Variants in MOSMO observed in about 807,000 individuals in gnomAD.
The protein encoded by MOSMO is modulator of smoothened protein.
A neutral mutation model predicts 18.4 loss-of-function variants in MOSMO; 5 were observed. The observed-to-expected ratio is 0.27, with a 90% confidence interval of 0.14 to 0.57. The LOEUF (loss-of-function observed/expected upper bound fraction) is 0.57. Among genes scored for constraint, MOSMO ranks in the 20% least tolerant of loss-of-function variants. MOSMO has a pLI of 0.92. For synonymous variants in MOSMO, 82 were observed against 82.3 expected, an observed-to-expected ratio of 1.00 and a Z score of 0.02; for missense variants, 138 against 211.8, an observed-to-expected ratio of 0.65 and a Z score of 2.16.
intron 1 of MOSMO, among the ~76,000 whole-genome samples, chr16:22,060,728 C>T (rs1285134350): frequency 6.6e-6 from 1 of 152,100 alleles, no homozygotes. Context: ...CAAAAGTTAG[C>T]TGGGCTTTAT....
intron 1 of MOSMO, among the ~76,000 whole-genome samples, chr16:22,062,189 T>C (rs1248807933): frequency 6.6e-6 from 1 of 151,836 alleles, no homozygotes; most frequent in Non-Finnish European, 1.5e-5. Context: ...TTCTTCTAAG[T>C]CTAAAAAAGC....
downstream of MOSMO, among the ~76,000 whole-genome samples, chr16:22,091,010 A>G (rs980499565): frequency 8.5e-5 from 13 of 152,052 alleles, no homozygotes; most frequent in Non-Finnish European, 1.5e-4. Context: ...AGGGTGGTAG[A>G]CGACCTGCTT....
At chr16:22,011,550 T>C (rs1899528201) in intron 1 of MOSMO, among the ~76,000 whole-genome samples, 1 of 152,048 alleles carries the variant, frequency 6.6e-6, no homozygotes, top group Non-Finnish European at 1.5e-5. Flanking sequence ...CCCAATAAAA[T>C]TGAAGACCAG....
intron 1 of MOSMO, among the ~76,000 whole-genome samples, chr16:22,074,818 G>A (rs1567515117): frequency 6.6e-6 from 1 of 152,216 alleles, no homozygotes; most frequent in Non-Finnish European, 1.5e-5. Context: ...GTTTGGCAGT[G>A]TGAACACTTG....
At chr16:22,045,537 C>T (rs866232841) in intron 1 of MOSMO, among the ~76,000 whole-genome samples, 2 of 152,202 alleles carry the variant, frequency 1.3e-5, no homozygotes, top group Middle Eastern at 3.4e-3. Context: ...AAAAAGATTT[C>T]CTACGCTAAA....
At chr16:22,073,005 G>A (rs1018782381) in intron 1 of MOSMO, among the ~76,000 whole-genome samples, 1 of 152,066 alleles carries the variant, frequency 6.6e-6, no homozygotes, top group African/African-American at 2.4e-5. Flanking sequence ...TTTTATAGAA[G>A]GTGTTGAAAT....
downstream of MOSMO, among the ~76,000 whole-genome samples, chr16:22,091,012 G>T (rs778035247): frequency 2.6e-5 from 4 of 151,792 alleles, no homozygotes; most frequent in Non-Finnish European, 4.4e-5. Flanking sequence ...GGTGGTAGAC[G>T]ACCTGCTTGG....
At chr16:22,041,039 A>G (rs1169165089) in intron 1 of MOSMO, among the ~76,000 whole-genome samples, 5 of 152,242 alleles carry the variant, frequency 3.3e-5, no homozygotes, top group Non-Finnish European at 5.9e-5. Context: ...GATAGCTACG[A>G]ATATTACATG....
rs1423275498 is a variant in MOSMO at position 22,075,674 on chromosome 16, T to C, written c.294T>C (p.Tyr98=). The change falls in exon 2 of 3, where the codon TAT becomes TAC. Residue 98 remains tyrosine (Y), a synonymous_variant. Transcript: ENST00000542527. ...ASHWRREATK[Y]ARWIAFTGMI... ...ACTGGCGAAGAGAAGCTACAAAATA[T>C]GCTCGATGGATAGCATTCACTGGAA... The C allele has an allele frequency of 2.6e-6, 4 of 1,537,218 alleles. No individual in the cohort carries two copies. The highest frequency in any genetic ancestry group is 1.4e-5 in the African/African-American group (1 of 73,066).
intron 1 of MOSMO, among the ~76,000 whole-genome samples, chr16:22,029,898 G>A (rs1293726791): frequency 6.6e-6 from 1 of 152,200 alleles, no homozygotes; most frequent in South Asian, 2.1e-4. Context: ...GAAGTGCTGC[G>A]ATTACAGGCG....
chr16:22,008,546 C>A (rs1427875027), intron 1 of MOSMO, 139 bp downstream of exon 1: 2 of 570,832 alleles, frequency 3.5e-6, no homozygotes, highest in African/African-American at 4.0e-5. Context: ...GGAGGGGAGA[C>A]CCGGGCCGCG....
At chr16:22,054,279 A>G (rs1482402384) in intron 1 of MOSMO, among the ~76,000 whole-genome samples, 1 of 151,940 alleles carries the variant, frequency 6.6e-6, no homozygotes, top group Non-Finnish European at 1.5e-5. Flanking sequence ...AATTTTCTGC[A>G]AAGACAGGGT....
At chr16:22,019,547 T>C (rs1899710851) in intron 1 of MOSMO, among the ~76,000 whole-genome samples, 1 of 152,200 alleles carries the variant, frequency 6.6e-6, no homozygotes, top group Admixed American at 6.5e-5. Flanking sequence ...TTTTGTAGTA[T>C]AGATTTTTTT....
chr16:22,009,726 C>T (rs1222127967), intron 1 of MOSMO, among the ~76,000 whole-genome samples: 1 of 137,282 alleles, frequency 7.3e-6, no homozygotes, highest in Non-Finnish European at 1.5e-5. Flanking sequence ...TTTGGGAGGC[C>T]GAGGCGGGCG....
downstream of MOSMO, among the ~76,000 whole-genome samples, chr16:22,087,764 C>T (rs1901213533): frequency 1.3e-5 from 2 of 152,132 alleles, no homozygotes; most frequent in African/African-American, 2.4e-5. Flanking sequence ...CTAATTTCTG[C>T]CTTCAGGGTT....
At chr16:22,026,509 G>A (rs971637245) in intron 1 of MOSMO, among the ~76,000 whole-genome samples, 9 of 152,208 alleles carry the variant, frequency 5.9e-5, no homozygotes, top group East Asian at 1.9e-4. Context: ...ATGAGCCACC[G>A]CGCCCAGCCT....
intron 1 of MOSMO, among the ~76,000 whole-genome samples, chr16:22,017,275 C>T (rs1007747442): frequency 1.3e-5 from 2 of 151,926 alleles, no homozygotes; most frequent in Non-Finnish European, 2.9e-5. Flanking sequence ...ACATAGTGAC[C>T]GTGTTTGATA....
In MOSMO at chr16:22,080,821, T is replaced by C. The variant is rs1598028711; in HGVS notation, c.445T>C (p.Ser149Pro). 4 of 1,477,794 alleles carry C rather than the reference T, an allele frequency of 2.7e-6. No homozygotes were observed. Among genetic ancestry groups the C allele is most frequent in the Non-Finnish European group, 3.6e-6 (4 of 1,121,590 alleles). The allele number at this position is 1,477,794 out of a possible 1,614,324, so 91.5% of individuals were successfully genotyped here. Residue 149 changes from serine to proline, a missense_variant, in exon 3 of 3, where the codon TCA becomes CCA. Coordinates refer to ENST00000542527, the MANE Select transcript of MOSMO (RefSeq NM_001164579.2). ...VGSSYVLFVL[S>P]IFFTIVGLLF... ...GTCATCATATGTACTTTTTGTCTTA[T>C]CAATTTTCTTTACAATAGTAGGACT...
rs1901065529 is a variant in MOSMO, at chr16:22,080,886, G to T, written c.*6G>T. On this transcript the variant is annotated 3_prime_UTR_variant, in exon 3 of 3. Coordinates refer to ENST00000542527, the MANE Select transcript of MOSMO (RefSeq NM_001164579.2). ...AAGTTTGTTTACCAGGCTGATGAAT[G>T]TCTAAATTGCTTGACTCTTATTATT... 1 of 1,309,572 alleles carries T rather than the reference G, an allele frequency of 7.6e-7. No homozygotes were observed. The highest frequency in any genetic ancestry group is 1.5e-5 in the African/African-American group (1 of 65,100). 81.1% of individuals were successfully genotyped at this position (1,309,572 alleles called of 1,614,324 possible).
Sources: gnomAD v4.1 joint callset for allele counts (sites outside exome capture counted in the v4.1 genomes callset) on GRCh38, gnomAD v4.1.1 for gene constraint, MANE v1.5 for transcripts, NCBI Gene and HGNC (gene_info 2026-07-23, HGNC 2026-07-21) for gene names.